C1QTNF7: variants seen among roughly 807,000 people sequenced by gnomAD.
C1QTNF7 encodes C1q and TNF related 7, also known as complement C1q tumor necrosis factor-related protein 7.
In C1QTNF7, 15 loss-of-function variants were observed where a neutral mutation model predicts 19.6. The ratio of observed to expected loss-of-function variants is 0.76; its 90% CI spans 0.51 to 1.18. C1QTNF7 has a LOEUF of 1.18. Ranked by LOEUF, C1QTNF7 falls within the 50% of genes most tolerant of loss-of-function variation. The pLI, the probability that C1QTNF7 is intolerant of heterozygous loss-of-function variation, is 0.00. For synonymous variants in C1QTNF7, 142 were observed against 137.5 expected (o/e 1.03, Z -0.23); for missense variants, 324 against 359.7 (o/e 0.90, Z 0.80).
intron 1 of C1QTNF7, among the ~76,000 whole-genome samples, chr4:15,350,054 G>A (rs1366248247): frequency 6.9e-6 from 1 of 144,408 alleles, no homozygotes; most frequent in Non-Finnish European, 1.5e-5. Context: ...AGGAAAGAAG[G>A]GAGGAAGGGA....
intron 1 of C1QTNF7, among the ~76,000 whole-genome samples, chr4:15,378,310 A>C (rs1215117400): frequency 1.3e-5 from 2 of 152,180 alleles, no homozygotes; most frequent in Non-Finnish European, 2.9e-5. Flanking sequence ...TCACCTATTA[A>C]CTGCACAGCT....
upstream of C1QTNF7, chr4:15,339,834 C>A: frequency 6.2e-6 from 2 of 320,960 alleles, no homozygotes; most frequent in Non-Finnish European, 1.2e-5. Context: ...ACACTACCCA[C>A]TCCTACTTGT....
At chr4:15,366,178 T>C (rs890107668) in intron 1 of C1QTNF7, among the ~76,000 whole-genome samples, 1 of 152,188 alleles carries the variant, frequency 6.6e-6, no homozygotes, top group Non-Finnish European at 1.5e-5. Context: ...TTTTCCTGAT[T>C]TGCCTGAGAC....
At chr4:15,436,237 TGA>T (rs1487922593) in intron 2 of C1QTNF7, among the ~76,000 whole-genome samples, 3 of 152,188 alleles carry the variant, frequency 2.0e-5, no homozygotes, top group Admixed American at 1.3e-4. Context: ...AGCCACAGTG[TGA>T]TTAAATGAAT....
chr4:15,432,354 C>T (rs17469572), intron 1 of C1QTNF7, among the ~76,000 whole-genome samples: 40,222 of 152,120 alleles, frequency 0.26, 6,161 homozygotes, highest in Middle Eastern at 0.36. Flanking sequence ...CAGTCACCAT[C>T]GTGCCACTAG....
intron 1 of C1QTNF7, among the ~76,000 whole-genome samples, chr4:15,422,876 T>C (rs1395412904): frequency 1.3e-5 from 2 of 152,196 alleles, no homozygotes; most frequent in Non-Finnish European, 2.9e-5. Flanking sequence ...CCCAAAATGC[T>C]GGAATTACAG....
intron 1 of C1QTNF7, among the ~76,000 whole-genome samples, chr4:15,405,300 A>G (rs1719152174): frequency 6.6e-6 from 1 of 152,160 alleles, no homozygotes; most frequent in Admixed American, 6.5e-5. Context: ...CAAGCAGAGT[A>G]GGACACAGGG....
intron 1 of C1QTNF7, among the ~76,000 whole-genome samples, chr4:15,434,540 C>A (rs753387200): frequency 3.9e-5 from 6 of 152,154 alleles, no homozygotes; most frequent in Non-Finnish European, 7.3e-5. Context: ...AAGCATGGGT[C>A]CAACCATCCA....
intron 1 of C1QTNF7, among the ~76,000 whole-genome samples, chr4:15,393,984 G>C (rs1718685344): frequency 1.3e-5 from 2 of 152,166 alleles, no homozygotes; most frequent in South Asian, 4.1e-4. Context: ...GGGCAGAGGG[G>C]GTGTGTAGGG....
intron 2 of C1QTNF7, among the ~76,000 whole-genome samples, chr4:15,436,406 A>G (rs1577283491): frequency 6.6e-6 from 1 of 152,182 alleles, no homozygotes; most frequent in African/African-American, 2.4e-5. Flanking sequence ...ACAGAAGGGG[A>G]AATGGACAGA....
In C1QTNF7 at chr4:15,351,289, G is replaced by A. The variant is rs538963333; in HGVS notation, c.13+11082G>A. Among the ~76,000 whole-genome samples the A allele has an allele frequency of 2.6e-5, 4 of 151,974 alleles. No homozygotes were observed. In the East Asian group the frequency reaches 5.8e-4, roughly 22 times the overall value. ...TTCCTCTGTTTTCTCCTCCTCCATA[G>A]CCATCTAGCATGAACATACATTAGT... On this transcript the variant is annotated intron_variant, in intron 1 of 2. Transcript: ENST00000295297.
intron 1 of C1QTNF7, among the ~76,000 whole-genome samples, chr4:15,379,445 C>T (rs1417360880): frequency 6.6e-6 from 1 of 152,162 alleles, no homozygotes; most frequent in Non-Finnish European, 1.5e-5. Flanking sequence ...ACCATAACTT[C>T]AGGGATTATA....
chr4:15,358,502 G>A (rs770685664), intron 1 of C1QTNF7: 2 of 152,070 alleles, frequency 1.3e-5, no homozygotes, highest in African/African-American at 2.4e-5. Flanking sequence ...TTTTCACATC[G>A]ATGTTCATCA....
intron 1 of C1QTNF7, among the ~76,000 whole-genome samples, chr4:15,347,474 C>G (rs1251561582): frequency 6.6e-6 from 1 of 152,210 alleles, no homozygotes; most frequent in African/African-American, 2.4e-5. Flanking sequence ...AGGACTTTCC[C>G]CAGATGCCCT....
intron 1 of C1QTNF7, among the ~76,000 whole-genome samples, chr4:15,434,641 A>C (rs1712458928): frequency 6.6e-6 from 1 of 152,170 alleles, no homozygotes; most frequent in Non-Finnish European, 1.5e-5. Context: ...AGCCTAAAAA[A>C]TCAGGTATCT....
At chr4:15,353,580 T>C (rs946724247) in intron 1 of C1QTNF7, among the ~76,000 whole-genome samples, 2 of 152,142 alleles carry the variant, frequency 1.3e-5, no homozygotes, top group African/African-American at 2.4e-5. Flanking sequence ...ATGTCTCTAA[T>C]TGTTTATAAA....
chr4:15,421,330 T>C (rs558135950), intron 1 of C1QTNF7, among the ~76,000 whole-genome samples: 2 of 152,276 alleles, frequency 1.3e-5, no homozygotes, highest in Admixed American at 6.5e-5. Context: ...GTTTGCATCA[T>C]TGAGTGGAGG....
Position 15,442,468 on chromosome 4 carries a change from C to G in C1QTNF7, c.539C>G (p.Pro180Arg). The G allele has an allele frequency of 6.2e-7, 1 of 1,614,180 alleles. No homozygotes were observed. The highest frequency in any genetic ancestry group is 1.3e-5 in the African/African-American group (1 of 75,038). The change falls in exon 3 of 3, where the codon CCT becomes CGT. Residue 180 changes from proline to arginine, a missense_variant. Pro to Arg is a moderately radical substitution (Grantham distance 103). Transcript: ENST00000444304. Reference protein sequence around the residue: ...VLFNEGEHYNPATGKFICAFP... With the variant: ...VLFNEGEHYNRATGKFICAFP... The stretch of plus-strand genomic sequence containing the variant: ...TTCAACGAGGGAGAGCACTACAACC[C>G]TGCCACAGGGAAGTTCATCTGTGCT...
chr4:15,438,070 C>T (rs764729149), intron 2 of C1QTNF7, among the ~76,000 whole-genome samples: 1 of 152,168 alleles, frequency 6.6e-6, no homozygotes, highest in Non-Finnish European at 1.5e-5. Context: ...TTACTAAGAA[C>T]TTACTATTTG....
Sources: allele counts gnomAD v4.1 joint callset (sites outside exome capture counted in the v4.1 genomes callset), GRCh38; gene constraint gnomAD v4.1.1; transcripts MANE v1.5; gene names NCBI Gene and HGNC (gene_info 2026-07-23, HGNC 2026-07-21).